The following DIP2B variants were observed in gnomAD, a reference collection of about 807,000 sequenced individuals.
The protein encoded by DIP2B is disco-interacting protein 2 homolog B.
Under a neutral mutation model 198.0 loss-of-function variants are expected in DIP2B, and 76 were observed. That is an observed-to-expected ratio of 0.38 (90% CI 0.32 to 0.46). The LOEUF (loss-of-function observed/expected upper bound fraction) is 0.46. DIP2B is among the 20% of genes least tolerant of loss of function. DIP2B has a pLI of 0.99. For missense variants in DIP2B, 1,559 were observed against 1,978.4 expected, an observed-to-expected ratio of 0.79 and a Z score of 4.02; for synonymous variants, 701 against 739.1, an observed-to-expected ratio of 0.95 and a Z score of 0.84.
In DIP2B at chr12:50,627,948, A is replaced by G. The variant is rs564695536; in HGVS notation, c.172+1901A>G. ...CTGGCCAAGGACAGTCCTTCTACCT[A>G]TGCTTTAGATCCCAACCCCTCCTCC... is the stretch of plus-strand genomic sequence containing the variant. On this transcript the variant is annotated intron_variant, in intron 2 of 37. Transcript: ENST00000301180. 3.9e-5 allele frequency among the ~76,000 whole-genome samples: 6 copies of G among 152,276 alleles called. No homozygotes were observed. The South Asian group carries it at 1.2e-3, about 32-fold the overall frequency.
intron 1 of DIP2B, among the ~76,000 whole-genome samples, chr12:50,564,270 G>T (rs1427894030): frequency 6.6e-6 from 1 of 151,980 alleles, no homozygotes; most frequent in Admixed American, 6.6e-5. Context: ...TTGTTCTTTC[G>T]GTGATGGACA....
chr12:50,532,566 A>G (rs904627478), intron 1 of DIP2B, among the ~76,000 whole-genome samples: 1 of 152,196 alleles, frequency 6.6e-6, no homozygotes, highest in Non-Finnish European at 1.5e-5. Context: ...TCCTTGGAAC[A>G]TGCATTGTGA....
chr12:50,550,283 G>A (rs1958416288), intron 1 of DIP2B, among the ~76,000 whole-genome samples: 1 of 152,078 alleles, frequency 6.6e-6, no homozygotes, highest in Admixed American at 6.6e-5. Context: ...TTTGAAAATT[G>A]AAGCTTCCTG....
intron 3 of DIP2B, among the ~76,000 whole-genome samples, chr12:50,654,202 C>T (rs1938514814): frequency 6.6e-6 from 1 of 151,840 alleles, no homozygotes; most frequent in South Asian, 2.1e-4. Flanking sequence ...TTCGTTTGTT[C>T]TTTTTTTAGT....
intron 35 of DIP2B, 117 bp from the exon 36 acceptor site, chr12:50,739,292 C>A: frequency 8.9e-7 from 1 of 1,127,040 alleles, no homozygotes; most frequent in Non-Finnish European, 1.2e-6. Context: ...TTTATTGATG[C>A]AGTTGTGTTG....
chr12:50,510,989 G>A (rs1464314324), intron 1 of DIP2B, among the ~76,000 whole-genome samples: 2 of 125,190 alleles, frequency 1.6e-5, no homozygotes, highest in East Asian at 2.4e-4. Context: ...CCTGTCACCC[G>A]TGCTGGAGTG....
At chr12:50,571,962 C>T (rs1160972906) in intron 1 of DIP2B, among the ~76,000 whole-genome samples, 2 of 152,204 alleles carry the variant, frequency 1.3e-5, no homozygotes, top group Non-Finnish European at 2.9e-5. Context: ...TTTAGTTTAA[C>T]TATTCCTTTA....
At chr12:50,717,750 G>A (rs373858089) in intron 23 of DIP2B, among the ~76,000 whole-genome samples, 1 of 151,486 alleles carries the variant, frequency 6.6e-6, no homozygotes, top group East Asian at 1.9e-4. Flanking sequence ...CACCATACCA[G>A]GCTAATATTT....
chr12:50,671,360 G>T lies in DIP2B; in HGVS notation c.602G>T (p.Ser201Ile), dbSNP rs1003582491. The change falls in exon 5 of 38, where the codon AGT becomes ATT. Residue 201 changes from serine to isoleucine, a missense_variant. By Grantham distance (142) the Ser-to-Ile change is moderately radical (BLOSUM62 -2). Transcript: ENST00000301180. ...TCCCACGGAGAGGTCAAAGGAACCA[G>T]TGGGTCTCTAGCTGATGTATTTGCC... ...TLSHGEVKGTSGSLADVFANT... is the reference protein window; with the variant it reads ...TLSHGEVKGTIGSLADVFANT... 2.5e-6 allele frequency: 4 copies of T among 1,614,066 alleles called. No homozygotes were observed. The African/African-American group carries it at 5.3e-5, about 22-fold the overall frequency.
intron 25 of DIP2B, among the ~76,000 whole-genome samples, chr12:50,720,409 C>T (rs1939813504): frequency 6.6e-6 from 1 of 151,348 alleles, no homozygotes; most frequent in Non-Finnish European, 1.5e-5. Context: ...CCATCTCCTC[C>T]ATCCCCCTGG....
chr12:50,715,309 A>T (rs1565880129), intron 23 of DIP2B, among the ~76,000 whole-genome samples: 1 of 152,154 alleles, frequency 6.6e-6, no homozygotes, highest in Non-Finnish European at 1.5e-5. Flanking sequence ...TGGAATGTGG[A>T]TCTGCTTGGC....
chr12:50,715,134 C>G (rs924786592), intron 23 of DIP2B, among the ~76,000 whole-genome samples: 1 of 152,170 alleles, frequency 6.6e-6, no homozygotes, highest in Non-Finnish European at 1.5e-5. Flanking sequence ...AAGTTCAGAG[C>G]TAGGTAGTCC....
chr12:50,586,864 T>C (rs1378151267), intron 1 of DIP2B, among the ~76,000 whole-genome samples: 1 of 152,240 alleles, frequency 6.6e-6, no homozygotes, highest in East Asian at 1.9e-4. Context: ...TGAGCCACTG[T>C]GCCCGGCAAA....
Position 50,715,959 on chromosome 12 carries a change from C to G in DIP2B, c.2851+1363C>G, listed in dbSNP as rs532032818. 1.6e-4 allele frequency among the ~76,000 whole-genome samples: 24 copies of G among 152,318 alleles called. No individual in the cohort carries two copies. The South Asian group carries it at 5.0e-3, about 32-fold the overall frequency. On this transcript the variant is annotated intron_variant, in intron 23 of 37. Transcript: ENST00000301180. ...GTACAGCAGTGTCTGCAATTAGCTT[C>G]CTGGAGTTACTGCTTTCAGTATCTT...
In DIP2B at chr12:50,714,072, GCTGACAGAATGAGACC is replaced by G. The variant is rs1482275490; in HGVS notation, c.2650-319_2650-304del. 2.0e-5 allele frequency among the ~76,000 whole-genome samples: 3 copies of G among 152,366 alleles called. No individual in the cohort carries two copies. In the East Asian group the frequency reaches 5.8e-4, roughly 29 times the overall value. ...GCTTGTGCCATTGCATTCCACCCCA[GCTGACAGAATGAGACC>G]CTGTCTCTAAAAAGAATAAAAACTT... On this transcript the variant is annotated intron_variant, in intron 22 of 37. Transcript: ENST00000301180.
At chr12:50,523,621 T>C (rs974834196) in intron 1 of DIP2B, among the ~76,000 whole-genome samples, 12 of 152,178 alleles carry the variant, frequency 7.9e-5, no homozygotes, top group African/African-American at 2.7e-4. Context: ...AGAAACGGAA[T>C]AGTGAGGTGA....
chr12:50,534,369 A>ATTTTTTTTTTTTT (rs72095442), intron 1 of DIP2B, among the ~76,000 whole-genome samples: 6 of 107,870 alleles, frequency 5.6e-5, no homozygotes, highest in Non-Finnish European at 1.1e-4. Flanking sequence ...TTCTCATTTC[A>ATTTTTTTTTTTTT]TTTTTTTTTT....
chr12:50,674,122 C>T (rs1592121550), intron 5 of DIP2B, among the ~76,000 whole-genome samples: 1 of 152,000 alleles, frequency 6.6e-6, no homozygotes, highest in Non-Finnish European at 1.5e-5. Flanking sequence ...TTATTTGGTT[C>T]CATTTTGAGG....
At chr12:50,579,295 T>G (rs1039110508) in intron 1 of DIP2B, among the ~76,000 whole-genome samples, 2 of 152,012 alleles carry the variant, frequency 1.3e-5, no homozygotes, top group African/African-American at 2.4e-5. Context: ...ATAGTGATTT[T>G]AAGCAAAAAT....
Sources: allele counts gnomAD v4.1 joint callset (sites outside exome capture counted in the v4.1 genomes callset), GRCh38; gene constraint gnomAD v4.1.1; transcripts MANE v1.5; gene names NCBI Gene and HGNC (gene_info 2026-07-23, HGNC 2026-07-21).